PRR16: variants seen among roughly 807,000 people sequenced by gnomAD.
The protein encoded by PRR16 is proline rich 16, also known as protein Largen.
PRR16 carries 6 observed loss-of-function variants against 18.2 expected under a neutral mutation model. The ratio of observed to expected loss-of-function variants is 0.33; its 90% CI spans 0.18 to 0.65. The LOEUF (loss-of-function observed/expected upper bound fraction) is 0.65. Ranked by LOEUF, PRR16 falls within the 30% of genes least tolerant of loss-of-function variation. The pLI, the probability that PRR16 is intolerant of heterozygous loss-of-function variation, is 0.74. For synonymous variants in PRR16, 151 were observed against 147.8 expected (o/e 1.02, Z -0.16); for missense variants, 412 against 376.6 (o/e 1.09, Z -0.78).
At chr5:120,650,670 T>C in intron 1 of PRR16, among the ~76,000 whole-genome samples, 1 of 152,288 alleles carries the variant, frequency 6.6e-6, no homozygotes, top group South Asian at 2.1e-4. Context: ...ATCATTTTTA[T>C]GGCTGCATAG....
intron 1 of PRR16, among the ~76,000 whole-genome samples, chr5:120,684,871 G>T (rs1757073462): frequency 1.3e-5 from 2 of 152,142 alleles, no homozygotes; most frequent in South Asian, 2.1e-4. Context: ...CTTAACGTGG[G>T]TTCCCACCTG....
chr5:120,775,794 C>CTTTTTTTTTTT, the PRR16 span, among the ~76,000 whole-genome samples: 7 of 122,570 alleles, frequency 5.7e-5, no homozygotes, highest in African/African-American at 2.0e-4. Flanking sequence ...CTACGCCTGG[C>CTTTTTTTTTTT]TATTTTTTTT....
At chr5:120,673,336 T>C (rs1248530980) in intron 1 of PRR16, among the ~76,000 whole-genome samples, 3 of 152,214 alleles carry the variant, frequency 2.0e-5, no homozygotes, top group African/African-American at 7.2e-5. Context: ...TCTACGTATT[T>C]CAAGTGCAGC....
At chr5:120,768,985 A>G in the PRR16 span, among the ~76,000 whole-genome samples, 1 of 151,736 alleles carries the variant, frequency 6.6e-6, no homozygotes, top group South Asian at 2.1e-4. Flanking sequence ...CAAAATTTAT[A>G]TATGCAAACT....
At chr5:120,734,059 A>G in the PRR16 span, among the ~76,000 whole-genome samples, 1 of 152,140 alleles carries the variant, frequency 6.6e-6, no homozygotes, top group Admixed American at 6.5e-5. Flanking sequence ...TTATTTTTAA[A>G]TGTGTTACAT....
At chr5:120,520,919 A>T (rs918258230) in intron 1 of PRR16, among the ~76,000 whole-genome samples, 2 of 151,870 alleles carry the variant, frequency 1.3e-5, no homozygotes, top group African/African-American at 4.8e-5. Flanking sequence ...TTTTATACAC[A>T]GCATCATAGG....
the PRR16 span, among the ~76,000 whole-genome samples, chr5:120,704,976 C>G: frequency 6.6e-6 from 1 of 151,700 alleles, no homozygotes; most frequent in Non-Finnish European, 1.5e-5. Flanking sequence ...AATTCCTGAG[C>G]TAGAGATCCA....
chr5:120,625,666 A>G (rs1561580240), intron 1 of PRR16, among the ~76,000 whole-genome samples: 1 of 152,226 alleles, frequency 6.6e-6, no homozygotes, highest in Non-Finnish European at 1.5e-5. Flanking sequence ...TCTCCCCCGT[A>G]TAAAAACATG....
intron 1 of PRR16, among the ~76,000 whole-genome samples, chr5:120,491,096 G>T (rs1157421127): frequency 1.3e-5 from 2 of 152,168 alleles, no homozygotes; most frequent in Non-Finnish European, 2.9e-5. Flanking sequence ...GCTACTCGGG[G>T]TCAGGGACGC....
At chr5:120,684,549 T>C (rs1197836486) in intron 1 of PRR16, among the ~76,000 whole-genome samples, 1 of 152,244 alleles carries the variant, frequency 6.6e-6, no homozygotes, top group Non-Finnish European at 1.5e-5. Flanking sequence ...CATAAACTAT[T>C]TTTAAAACAA....
chr5:120,677,510 AATTTC>A (rs1756836674), intron 1 of PRR16, among the ~76,000 whole-genome samples: 1 of 152,078 alleles, frequency 6.6e-6, no homozygotes. Flanking sequence ...AGCTCCCATT[AATTTC>A]TCTTTTCAGT....
At chr5:120,492,545 T>C (rs564073977) in intron 1 of PRR16, among the ~76,000 whole-genome samples, 1 of 152,300 alleles carries the variant, frequency 6.6e-6, no homozygotes. Flanking sequence ...ACTCTTTTAA[T>C]TTATTTTTAT....
the PRR16 span, among the ~76,000 whole-genome samples, chr5:120,721,089 G>A: frequency 1.3e-5 from 2 of 152,018 alleles, no homozygotes; most frequent in African/African-American, 4.8e-5. Context: ...ACACATGTAA[G>A]TGTATGCTCC....
intron 1 of PRR16, among the ~76,000 whole-genome samples, chr5:120,596,778 TTA>T (rs1753827878): frequency 6.6e-6 from 1 of 151,750 alleles, no homozygotes; most frequent in South Asian, 2.1e-4. Flanking sequence ...TTTTCTGTAT[TTA>T]TGTTCCATGT....
intron 1 of PRR16, among the ~76,000 whole-genome samples, chr5:120,667,536 A>G (rs1476309020): frequency 6.6e-6 from 1 of 150,396 alleles, no homozygotes; most frequent in African/African-American, 2.4e-5. Flanking sequence ...AGTTCTTTTA[A>G]TTGTGATGTT....
intron 1 of PRR16, among the ~76,000 whole-genome samples, chr5:120,535,265 G>T (rs927710424): frequency 3.3e-5 from 5 of 152,202 alleles, no homozygotes; most frequent in Non-Finnish European, 7.4e-5. Flanking sequence ...ATTTTGAAAG[G>T]TTTTTAGTCA....
intron 1 of PRR16, among the ~76,000 whole-genome samples, chr5:120,674,549 G>A (rs1756730148): frequency 6.6e-6 from 1 of 152,142 alleles, no homozygotes; most frequent in South Asian, 2.1e-4. Context: ...TGAAGAAACT[G>A]TATTGATCAT....
At chr5:120,521,597 C>T (rs1561529005) in intron 1 of PRR16, among the ~76,000 whole-genome samples, 1 of 152,026 alleles carries the variant, frequency 6.6e-6, no homozygotes, top group Admixed American at 6.6e-5. Flanking sequence ...ATGATCAAAT[C>T]AGGGTAATTA....
At chr5:120,787,246 T>C in the PRR16 span, among the ~76,000 whole-genome samples, 58,024 of 151,062 alleles carry the variant, frequency 0.38, 11,253 homozygotes, top group African/African-American at 0.41. Context: ...ATTTTATAAC[T>C]AACAATAATG....
Sources: gnomAD v4.1 joint callset for allele counts (sites outside exome capture counted in the v4.1 genomes callset) on GRCh38, gnomAD v4.1.1 for gene constraint, MANE v1.5 for transcripts, NCBI Gene and HGNC (gene_info 2026-07-23, HGNC 2026-07-21) for gene names.